FAM149A: variants seen among roughly 807,000 people sequenced by gnomAD.
FAM149A encodes protein FAM149A.
In FAM149A, 71 loss-of-function variants were observed where a neutral mutation model predicts 78.2. That is an observed-to-expected ratio of 0.91 (90% CI 0.75 to 1.11). FAM149A has a LOEUF of 1.11. Among genes scored for constraint, FAM149A ranks in the 50% least tolerant of loss-of-function variants. FAM149A has a pLI of 0.00. For synonymous variants in FAM149A, 446 were observed against 410.5 expected (o/e 1.09, Z -1.04); for missense variants, 1,036 against 971.0 (o/e 1.07, Z -0.89).
intron 8 of FAM149A, among the ~76,000 whole-genome samples, chr4:186,160,011 A>AC (rs1373024301): frequency 1.2e-4 from 11 of 88,362 alleles, no homozygotes; most frequent in Admixed American, 8.2e-4. Context: ...CCCCCCACAC[A>AC]CCCCCCACAC....
chr4:186,167,517 A>T (rs1735161467), intron 13 of FAM149A: 8 of 364,464 alleles, frequency 2.2e-5, no homozygotes, highest in African/African-American at 1.2e-4. Flanking sequence ...CACTCAAAAA[A>T]AAAAAAAAAA....
At position 186,105,222 on chromosome 4, in the gene FAM149A, G is replaced by A. The variant is rs985054213; in HGVS notation, c.146G>A (p.Gly49Asp). Residue 49 changes from glycine to aspartate, a missense_variant, in exon 1 of 14, where the codon GGT becomes GAT. By Grantham distance (94) the Gly-to-Asp change is moderately conservative (BLOSUM62 -1). This residue lies in a region of FAM149A where 316 missense variants were observed against 241.9 expected (regional missense o/e 1.31). Coordinates refer to ENST00000389354, the MANE Select transcript of FAM149A (RefSeq NM_001367768.3). ...GGCTCCAGGGCGGGCACCCCGTTGG[G>A]TACCGCCCCGACCCTCCTCCGCGCC... is the stretch of plus-strand genomic sequence containing the variant. 8 of 1,262,116 alleles carry A rather than the reference G, an allele frequency of 6.3e-6. No homozygotes were observed. The highest frequency in any genetic ancestry group is 8.2e-6 in the Non-Finnish European group (8 of 977,440). 78.2% of individuals were successfully genotyped at this position (1,262,116 alleles called of 1,614,324 possible).
chr4:186,116,585 T>C, intron 1 of FAM149A: 14 of 944,742 alleles, frequency 1.5e-5, no homozygotes, highest in Non-Finnish European at 1.7e-5. Context: ...TTCTTTGTTG[T>C]TATATTTAAA....
At chr4:186,158,292 C>T (rs1460222460) in intron 8 of FAM149A, 15 of 1,220,878 alleles carry the variant, frequency 1.2e-5, no homozygotes, top group African/African-American at 4.7e-5. Flanking sequence ...CTCAGAGAGG[C>T]GTCTTGGCTA....
intron 8 of FAM149A, chr4:186,158,692 G>A (rs1406442689): frequency 3.6e-6 from 4 of 1,099,572 alleles, no homozygotes; most frequent in South Asian, 2.6e-5. Context: ...TGCTCAGCCT[G>A]AGGCTGCAGA....
chr4:186,151,636 C>A, intron 3 of FAM149A: 1 of 691,490 alleles, frequency 1.4e-6, no homozygotes, highest in Non-Finnish European at 1.8e-6. Context: ...ATACCTCTAT[C>A]TATGCAAATT....
intron 1 of FAM149A, chr4:186,125,686 C>T: frequency 4.1e-6 from 4 of 983,780 alleles, no homozygotes; most frequent in Non-Finnish European, 4.8e-6. Context: ...AAATATGGGG[C>T]TTAATAAATG....
intron 1 of FAM149A, chr4:186,125,653 G>C (rs568136069): frequency 9.5e-5 from 89 of 936,128 alleles, no homozygotes; most frequent in Non-Finnish European, 1.1e-4. Flanking sequence ...TTCCCATAAG[G>C]CACTCAGCAG....
chr4:186,157,273 C>A (rs747626174), intron 7 of FAM149A, among the ~76,000 whole-genome samples: 2 of 152,184 alleles, frequency 1.3e-5, no homozygotes, highest in African/African-American at 4.8e-5. Context: ...GCAATAATCA[C>A]GTTAACCTAA....
At chr4:186,161,269 G>T (rs1022420577) in intron 8 of FAM149A, among the ~76,000 whole-genome samples, 1 of 152,174 alleles carries the variant, frequency 6.6e-6, no homozygotes, top group Non-Finnish European at 1.5e-5. Flanking sequence ...GAGAAAGGAA[G>T]GGAGGCTCTT....
rs867055588 is a variant in FAM149A, at chr4:186,144,742, G to T, written c.567-4431G>T. 2.3e-6 allele frequency: 2 copies of T among 866,748 alleles called. No individual in the cohort carries two copies. Among genetic ancestry groups the T allele is most frequent in the Non-Finnish European group, 2.7e-6 (2 of 727,826 alleles). The allele number at this position is 866,748 out of a possible 1,614,324, so 53.7% of individuals were successfully genotyped here. ...TCGGCGCGGGGCCGGGGCCGGGGCC[G>T]GGGCCCGGAGCGGGGATGGGCGGGC... is the stretch of plus-strand genomic sequence containing the variant. On this transcript the variant is annotated intron_variant, in intron 1 of 13. Transcript: ENST00000389354. The surrounding 1 kb of genome is among the most constrained non-coding windows in gnomAD (Gnocchi z 4.2).
At position 186,173,702 on chromosome 4, in the gene FAM149A, G is replaced by A. The variant is rs1735640010; in HGVS notation, c.*1715G>A. Among the ~76,000 whole-genome samples, 1 of 111,986 alleles carries A rather than the reference G, an allele frequency of 8.9e-6. No individual in the cohort carries two copies. Among genetic ancestry groups the A allele is most frequent in the Non-Finnish European group, 2.3e-5 (1 of 44,436 alleles). 73.5% of individuals were successfully genotyped at this position (111,986 alleles called of 152,430 possible). A position where few individuals can be genotyped will look rare whatever the true frequency, so the allele number is the denominator to read the frequency against. ...CAATGAGACACATTAGGCAGCAGCA[G>A]CAGCAGCAGCAGCAGCGACCACCAG... is the stretch of plus-strand genomic sequence containing the variant. On this transcript the variant is annotated 3_prime_UTR_variant, in exon 14 of 14. Coordinates refer to ENST00000389354, the MANE Select transcript of FAM149A (RefSeq NM_001367768.3).
chr4:186,158,586 G>A, intron 8 of FAM149A: 1 of 271,266 alleles, frequency 3.7e-6, no homozygotes, highest in Non-Finnish European at 5.0e-6. Flanking sequence ...TCCAGTGCCT[G>A]CTGAGCATTG....
intron 1 of FAM149A, among the ~76,000 whole-genome samples, chr4:186,110,888 A>G (rs1186676851): frequency 2.0e-5 from 3 of 148,710 alleles, no homozygotes; most frequent in Non-Finnish European, 3.0e-5. Context: ...AGCATGATTT[A>G]TAGTCCTTTG....
At chr4:186,166,942 A>G in intron 11 of FAM149A, 26 bp from the exon 12 acceptor site, 7 of 1,595,820 alleles carry the variant, frequency 4.4e-6, no homozygotes, top group Non-Finnish European at 6.0e-6. Flanking sequence ...TTTATTTTAA[A>G]CAAGAACATA....
rs1324759091 is a variant in FAM149A, at chr4:186,149,684, G to T, written c.769G>T (p.Val257Phe). The T allele has an allele frequency of 2.3e-6, 3 of 1,288,014 alleles. No homozygotes were observed. 79.8% of individuals were successfully genotyped at this position (1,288,014 alleles called of 1,614,324 possible). ...CGGCTCATCCACGGAGAGGGGCTCC[G>T]TTTATTCCTGGAGAGATGACGTATG... is the stretch of plus-strand genomic sequence containing the variant. The change falls in exon 3 of 14, where the codon GTT becomes TTT. Residue 257 changes from valine to phenylalanine, a missense_variant. By Grantham distance (50) the Val-to-Phe change is conservative (BLOSUM62 -1). Transcript: ENST00000389354.
chr4:186,106,196 G>C (rs967768661), intron 1 of FAM149A, among the ~76,000 whole-genome samples: 2 of 152,138 alleles, frequency 1.3e-5, no homozygotes, highest in Admixed American at 6.5e-5. Context: ...GGACACGTCT[G>C]ATTATTACCC....
intron 1 of FAM149A, chr4:186,131,751 T>A: frequency 4.4e-6 from 1 of 227,336 alleles, no homozygotes; most frequent in Non-Finnish European, 7.3e-6. Flanking sequence ...GGAGAGGACA[T>A]AGATGCCGAT....
Position 186,154,539 on chromosome 4 carries a change from C to A in FAM149A, c.1130C>A (p.Thr377Lys), listed in dbSNP as rs1238870675. 1 of 1,614,032 alleles carries A rather than the reference C, an allele frequency of 6.2e-7. No individual in the cohort carries two copies. Among genetic ancestry groups the A allele is most frequent in the East Asian group, 2.2e-5 (1 of 44,890 alleles). ...TCTGCCCTGCCAGGCCCTGATGACA[C>A]AGGGGTTGCTGACCTAACGGCACGT... Residue 377 changes from threonine to lysine, a missense_variant, in exon 6 of 14, where the codon ACA (threonine) becomes AAA (lysine). Physicochemically the swap from Thr to Lys is moderately conservative, Grantham distance 78. Coordinates refer to ENST00000389354, the MANE Select transcript of FAM149A (RefSeq NM_001367768.3).
Sources: gnomAD v4.1 joint callset for allele counts (sites outside exome capture counted in the v4.1 genomes callset) on GRCh38, gnomAD v4.1.1 for gene constraint, gnomAD v4.1.1 regional missense constraint, Gnocchi (gnomAD v3.1) non-coding constraint, MANE v1.5 for transcripts, NCBI Gene and HGNC (gene_info 2026-07-23, HGNC 2026-07-21) for gene names.